CIDEA: variants seen among roughly 807,000 people sequenced by gnomAD.
The protein encoded by CIDEA is cell death inducing DFFA like effector a.
In CIDEA, 10 loss-of-function variants were observed where a neutral mutation model predicts 18.2. The ratio of observed to expected loss-of-function variants is 0.55; its 90% CI spans 0.34 to 0.93. The LOEUF is 0.93. CIDEA is among the 40% of genes least tolerant of loss of function. The pLI is 0.02. For missense variants in CIDEA, 309 were observed against 293.1 expected, an observed-to-expected ratio of 1.05 and a Z score of -0.40; for synonymous variants, 128 against 124.8, an observed-to-expected ratio of 1.03 and a Z score of -0.17.
intron 4 of CIDEA, 26 bp downstream of exon 4, chr18:12,274,300 G>T (rs139781143): frequency 1.2e-6 from 2 of 1,611,480 alleles, no homozygotes; most frequent in African/African-American, 2.7e-5. Context: ...GGTCACCTCC[G>T]GGGGTCTGCA....
intron 1 of CIDEA, chr18:12,255,008 A>G (rs918319639): frequency 1.5e-5 from 17 of 1,123,234 alleles, no homozygotes; most frequent in Non-Finnish European, 6.9e-6. Flanking sequence ...CCAAGGGCGG[A>G]GACGCTGCCT....
intron 3 of CIDEA, among the ~76,000 whole-genome samples, chr18:12,267,580 G>A (rs1277564372): frequency 6.6e-6 from 1 of 152,172 alleles, no homozygotes; most frequent in African/African-American, 2.4e-5. Flanking sequence ...TGCAACCTCT[G>A]CCTCCCTGGC....
At chr18:12,271,480 C>T (rs1456809453) in intron 3 of CIDEA, among the ~76,000 whole-genome samples, 6 of 151,958 alleles carry the variant, frequency 3.9e-5, no homozygotes, top group African/African-American at 1.5e-4. Flanking sequence ...TTGACTCTGA[C>T]CTCGGCAGTG....
intron 3 of CIDEA, among the ~76,000 whole-genome samples, chr18:12,266,249 G>A (rs1185527733): frequency 2.6e-5 from 4 of 151,496 alleles, no homozygotes; most frequent in African/African-American, 9.7e-5. Context: ...CAAAAAATAA[G>A]AAAATACCAG....
In CIDEA at chr18:12,267,646, C is replaced by T. The variant is rs1008755236; in HGVS notation, c.330+3193C>T. Among the ~76,000 whole-genome samples, 3 of 152,154 alleles carry T rather than the reference C, an allele frequency of 2.0e-5. No homozygotes were observed. The South Asian group carries it at 6.2e-4, about 32-fold the overall frequency. ...GTAGCTGGGATCACAGGCAAGCCACCACCACGCCTGGCTAATTTTTGTATT... is the reference window on the plus strand; with the variant it reads ...GTAGCTGGGATCACAGGCAAGCCACTACCACGCCTGGCTAATTTTTGTATT... On this transcript the variant is annotated intron_variant, in intron 3 of 4. Coordinates refer to ENST00000320477, the MANE Select transcript of CIDEA (RefSeq NM_001279.4).
intron 3 of CIDEA, among the ~76,000 whole-genome samples, chr18:12,270,339 G>A (rs1444255616): frequency 6.6e-6 from 1 of 151,588 alleles, no homozygotes; most frequent in Non-Finnish European, 1.5e-5. Context: ...TTCCTGACTG[G>A]GAAAGAAACC....
chr18:12,264,654 C>T (rs1353506629), intron 3 of CIDEA, among the ~76,000 whole-genome samples: 3 of 151,984 alleles, frequency 2.0e-5, no homozygotes, highest in African/African-American at 4.8e-5. Context: ...CCCGGGTTCA[C>T]GCCATTCTCC....
chr18:12,271,162 G>A (rs1471428271), intron 3 of CIDEA, among the ~76,000 whole-genome samples: 18 of 152,106 alleles, frequency 1.2e-4, no homozygotes. Flanking sequence ...GCCTCCCACC[G>A]TGCTAGGATT....
At chr18:12,264,267 C>G in intron 2 of CIDEA, 40 bp from the exon 3 acceptor site, 1 of 1,516,594 alleles carries the variant, frequency 6.6e-7, no homozygotes, top group Non-Finnish European at 8.9e-7. Context: ...CATGGAAATA[C>G]CTGGCTTCAC....
intron 3 of CIDEA, among the ~76,000 whole-genome samples, chr18:12,264,775 G>C (rs1912304546): frequency 6.6e-6 from 1 of 152,070 alleles, no homozygotes; most frequent in African/African-American, 2.4e-5. Context: ...GGATGGTCTC[G>C]ATCTCCTGAC....
At chr18:12,261,800 C>T (rs1316733810) in intron 1 of CIDEA, among the ~76,000 whole-genome samples, 2 of 151,560 alleles carry the variant, frequency 1.3e-5, no homozygotes, top group Non-Finnish European at 2.9e-5. Flanking sequence ...AGGCTGGTCT[C>T]GAACTCCTGG....
rs1169257315 is a variant in CIDEA at position 12,264,272 on chromosome 18, C to T, written c.184-35C>T. ...TGGCTGGTCACATGGAAATACCTGG[C>T]TTCACTCCATTTCTCTGATGTGTTG... On this transcript the variant is annotated intron_variant, in intron 2 of 4. Coordinates refer to ENST00000320477, the MANE Select transcript of CIDEA (RefSeq NM_001279.4). 5.9e-6 allele frequency: 9 copies of T among 1,525,342 alleles called. No individual in the cohort carries two copies. The East Asian group carries it at 1.7e-4, about 29-fold the overall frequency. The allele number at this position is 1,525,342 out of a possible 1,614,324, so 94.5% of individuals were successfully genotyped here.
chr18:12,254,833 C>A, intron 1 of CIDEA: 1 of 1,337,726 alleles, frequency 7.5e-7, no homozygotes, highest in South Asian at 1.2e-5. Context: ...GGGGACCGGG[C>A]TTCTGGGGGT....
rs1834486750 is a variant in CIDEA at position 12,264,425 on chromosome 18, T to C, written c.302T>C (p.Ile101Thr). The C allele has an allele frequency of 6.2e-7, 1 of 1,613,778 alleles. No homozygotes were observed. The highest frequency in any genetic ancestry group is 1.7e-5 in the Admixed American group (1 of 59,984). The change falls in exon 3 of 5, where the codon ATC becomes ACC. Residue 101 changes from isoleucine to threonine, a missense_variant. Ile to Thr is a moderately conservative substitution (Grantham distance 89). Coordinates refer to ENST00000320477, the MANE Select transcript of CIDEA (RefSeq NM_001279.4). The part of the protein sequence containing the change: ...QTLGDNTHFM[I>T]LEKGQKWMPG... The stretch of plus-strand genomic sequence containing the variant: ...TTGGGAGACAACACGCATTTCATGA[T>C]CTTGGAAAAAGGACAGAAGTGGATG...
At chr18:12,272,315 T>C (rs1017427042) in intron 3 of CIDEA, among the ~76,000 whole-genome samples, 2 of 152,116 alleles carry the variant, frequency 1.3e-5, no homozygotes, top group African/African-American at 4.8e-5. Flanking sequence ...CAGGTTCAAG[T>C]GCTTCTCCTG....
intron 3 of CIDEA, among the ~76,000 whole-genome samples, chr18:12,270,894 CTTTTTTTT>C (rs771335202): frequency 3.2e-4 from 19 of 60,020 alleles, no homozygotes; most frequent in African/African-American, 1.2e-3. Context: ...TTTTTCTTTT[CTTTTTTTT>C]TTTTTTTTTT....
In CIDEA at chr18:12,277,164, G is replaced by A; in HGVS notation, c.554G>A (p.Gly185Glu). 6.2e-7 allele frequency: 1 copy of A among 1,614,172 alleles called. No homozygotes were observed. Among genetic ancestry groups the A allele is most frequent in the Non-Finnish European group, 8.5e-7 (1 of 1,180,030 alleles). Residue 185 changes from glycine (G) to glutamate (E), a missense_variant, in exon 5 of 5, where the codon GGA becomes GAA. Coordinates refer to ENST00000320477, the MANE Select transcript of CIDEA (RefSeq NM_001279.4). ...CTGTCCTACTCCGCCCAGGTGACGG[G>A]ACAGTTTCTCATCTATCTGGGCACA... is the stretch of plus-strand genomic sequence containing the variant. ...RFLSYSAQVT[G>E]QFLIYLGTYM...
intron 3 of CIDEA, among the ~76,000 whole-genome samples, chr18:12,265,213 C>T (rs6505739): frequency 0.94 from 142,915 of 152,316 alleles, 67,723 homozygotes; most frequent in East Asian, 1. Context: ...ATGATATAGC[C>T]CAAAAAACCT....
chr18:12,257,390 G>A (rs1239376782), intron 1 of CIDEA, among the ~76,000 whole-genome samples: 1 of 152,136 alleles, frequency 6.6e-6, no homozygotes, highest in Non-Finnish European at 1.5e-5. Context: ...ATTTCACTTT[G>A]AGGAAGACCT....
Sources: gnomAD v4.1 joint callset for allele counts (sites outside exome capture counted in the v4.1 genomes callset) on GRCh38, gnomAD v4.1.1 for gene constraint, MANE v1.5 for transcripts, NCBI Gene and HGNC (gene_info 2026-07-23, HGNC 2026-07-21) for gene names.